ATXN1: variants seen among roughly 807,000 people sequenced by gnomAD.
The protein encoded by ATXN1 is ataxin-1.
ATXN1 carries 8 observed loss-of-function variants against 56.4 expected under a neutral mutation model. The observed-to-expected ratio is 0.14, with a 90% CI of 0.08 to 0.26. The LOEUF is 0.26. Among genes scored for constraint, ATXN1 ranks in the 10% least tolerant of loss-of-function variants. ATXN1 has a pLI of 1.00. For missense variants in ATXN1, 987 were observed against 1,106.5 expected (o/e 0.89, Z 1.53); for synonymous variants, 514 against 494.6 (o/e 1.04, Z -0.52).
intron 1 of ATXN1, among the ~76,000 whole-genome samples, chr6:16,758,745 T>C (rs1214708448): frequency 1.3e-5 from 2 of 152,208 alleles, no homozygotes; most frequent in Non-Finnish European, 2.9e-5. Context: ...CCTACACCAC[T>C]GACAGGCAGC....
At chr6:16,370,325 CT>C (rs1296147115) in intron 6 of ATXN1, among the ~76,000 whole-genome samples, 1 of 152,166 alleles carries the variant, frequency 6.6e-6, no homozygotes, top group Non-Finnish European at 1.5e-5. Context: ...TCTATCTTTT[CT>C]TTGCTAATAG....
intron 2 of ATXN1, among the ~76,000 whole-genome samples, chr6:16,700,259 C>T (rs377686886): frequency 4.6e-5 from 7 of 152,180 alleles, no homozygotes; most frequent in African/African-American, 1.4e-4. Flanking sequence ...AGGTGCTCAA[C>T]TCTTGAAGAA....
At chr6:16,689,297 T>A (rs1252318234) in intron 2 of ATXN1, among the ~76,000 whole-genome samples, 9 of 151,972 alleles carry the variant, frequency 5.9e-5, no homozygotes, top group Admixed American at 1.3e-4. Context: ...TAATTTAAAT[T>A]TTTATTTTTT....
chr6:16,345,951 A>C (rs1332599394), intron 6 of ATXN1, among the ~76,000 whole-genome samples: 3 of 152,170 alleles, frequency 2.0e-5, no homozygotes, highest in African/African-American at 7.2e-5. Flanking sequence ...GTATTCATTC[A>C]ATAAAAAAAA....
chr6:16,512,717 C>G (rs1761105954), intron 5 of ATXN1, among the ~76,000 whole-genome samples: 1 of 152,126 alleles, frequency 6.6e-6, no homozygotes, highest in Non-Finnish European at 1.5e-5. Flanking sequence ...CCAACAGCAA[C>G]AAACAGTCAT....
At chr6:16,728,064 C>T (rs961955253) in intron 2 of ATXN1, among the ~76,000 whole-genome samples, 5 of 152,188 alleles carry the variant, frequency 3.3e-5, no homozygotes, top group Admixed American at 1.3e-4. Flanking sequence ...AGAGATTAAA[C>T]GCCTGGAGCA....
chr6:16,429,700 G>T (rs749967523), intron 6 of ATXN1, among the ~76,000 whole-genome samples: 2 of 152,144 alleles, frequency 1.3e-5, no homozygotes, highest in Non-Finnish European at 2.9e-5. Flanking sequence ...TTACAGGTGT[G>T]AGCCACTGAG....
chr6:16,744,079 C>A (rs978204999), intron 2 of ATXN1, among the ~76,000 whole-genome samples: 14 of 152,102 alleles, frequency 9.2e-5, no homozygotes, highest in African/African-American at 3.4e-4. Context: ...CATGTTGGAC[C>A]AGAACAACAA....
chr6:16,500,417 G>T (rs920805424), intron 5 of ATXN1, among the ~76,000 whole-genome samples: 1 of 152,166 alleles, frequency 6.6e-6, no homozygotes, highest in African/African-American at 2.4e-5. Context: ...GTGAGTGTGG[G>T]CATGTAATTT....
chr6:16,384,593 T>G (rs568347944), intron 6 of ATXN1, among the ~76,000 whole-genome samples: 1 of 152,342 alleles, frequency 6.6e-6, no homozygotes, highest in African/African-American at 2.4e-5. Flanking sequence ...TAATCCCCAG[T>G]GTTTGGAGGA....
intron 2 of ATXN1, among the ~76,000 whole-genome samples, chr6:16,732,621 T>C (rs1760016780): frequency 6.6e-6 from 1 of 152,092 alleles, no homozygotes; most frequent in East Asian, 1.9e-4. Context: ...CAAATCATAA[T>C]AGCTGATAAA....
intron 6 of ATXN1, among the ~76,000 whole-genome samples, chr6:16,343,590 T>A (rs1194643024): frequency 6.6e-6 from 1 of 152,134 alleles, no homozygotes; most frequent in African/African-American, 2.4e-5. Context: ...GGCAGCAGTA[T>A]CTTAGTGTCA....
At chr6:16,565,393 G>A (rs1030162472) in intron 4 of ATXN1, among the ~76,000 whole-genome samples, 1 of 152,096 alleles carries the variant, frequency 6.6e-6, no homozygotes, top group Non-Finnish European at 1.5e-5. Flanking sequence ...TTTATTTGAT[G>A]TTTGATTTAT....
intron 5 of ATXN1, among the ~76,000 whole-genome samples, chr6:16,489,164 C>T (rs1190295179): frequency 6.6e-6 from 1 of 152,152 alleles, no homozygotes; most frequent in Non-Finnish European, 1.5e-5. Flanking sequence ...TTTCTAAGCT[C>T]TCTGATGAAA....
intron 7 of ATXN1, among the ~76,000 whole-genome samples, chr6:16,321,584 C>T (rs1581687277): frequency 6.6e-6 from 1 of 152,220 alleles, no homozygotes; most frequent in Non-Finnish European, 1.5e-5. Context: ...GGCAATGCCA[C>T]AGGGATAGTG....
chr6:16,626,882 T>C (rs868403335), intron 3 of ATXN1, among the ~76,000 whole-genome samples: 1 of 152,168 alleles, frequency 6.6e-6, no homozygotes, highest in Non-Finnish European at 1.5e-5. Flanking sequence ...AAGATGGCCA[T>C]CTGCAAGCCA....
chr6:16,362,491 C>T (rs1033424309), intron 6 of ATXN1, among the ~76,000 whole-genome samples: 3 of 152,118 alleles, frequency 2.0e-5, no homozygotes, highest in Non-Finnish European at 2.9e-5. Flanking sequence ...CCCCCATTAT[C>T]ACCATCATCA....
intron 2 of ATXN1, among the ~76,000 whole-genome samples, chr6:16,715,571 T>C (rs1759621689): frequency 6.6e-6 from 1 of 152,220 alleles, no homozygotes; most frequent in South Asian, 2.1e-4. Flanking sequence ...TTAGTAACGC[T>C]GTGAATGAAT....
Position 16,326,897 on chromosome 6 carries a change from T to C in ATXN1, c.1414A>G (p.Ile472Val), listed in dbSNP as rs764039325. 3 of 1,612,938 alleles carry C rather than the reference T, an allele frequency of 1.9e-6. No homozygotes were observed. The highest frequency in any genetic ancestry group is 2.5e-6 in the Non-Finnish European group (3 of 1,179,188). Reference sequence around the variant, plus strand: ...TGGGGCAGGCTGCCGGCGTAGGTGATTGCTTGCTGCTGGCCGCTCAGGTAG... The same window carrying C: ...TGGGGCAGGCTGCCGGCGTAGGTGACTGCTTGCTGCTGGCCGCTCAGGTAG... Reference protein sequence around the residue: ...IGYLSGQQQAITYAGSLPQHL... With the variant: ...IGYLSGQQQAVTYAGSLPQHL... Residue 472 changes from isoleucine (I) to valine (V), a missense_variant, in exon 7 of 8, where the codon ATC becomes GTC. Transcript: ENST00000436367. This position sits in a 1 kb window ranked among gnomAD's most constrained non-coding sequence, Gnocchi z 6.6.
Sources: allele counts gnomAD v4.1 joint callset (sites outside exome capture counted in the v4.1 genomes callset), GRCh38; gene constraint gnomAD v4.1.1; non-coding constraint Gnocchi (gnomAD v3.1); transcripts MANE v1.5; gene names NCBI Gene and HGNC (gene_info 2026-07-23, HGNC 2026-07-21).